FEZF1: variants seen among roughly 807,000 people sequenced by gnomAD.
The protein encoded by FEZF1 is FEZ family zinc finger 1.
Under a neutral mutation model 32.4 loss-of-function variants are expected in FEZF1, and 8 were observed. That is an observed-to-expected ratio of 0.25 (90% CI 0.15 to 0.45). FEZF1 has a LOEUF of 0.45. Ranked by LOEUF, FEZF1 falls within the 20% of genes least tolerant of loss-of-function variation. The pLI is 1.00. For missense variants in FEZF1, 546 were observed against 622.3 expected (o/e 0.88, Z 1.31); for synonymous variants, 259 against 265.2 (o/e 0.98, Z 0.23).
In FEZF1 at chr7:122,304,096, T is replaced by G. The variant is rs1449386379; in HGVS notation, c.342A>C (p.Ala114=). The G allele has an allele frequency of 1.3e-6, 2 of 1,577,222 alleles. No individual in the cohort carries two copies. The highest frequency in any genetic ancestry group is 1.7e-6 in the Non-Finnish European group (2 of 1,162,104). Residue 114 remains alanine (A), a synonymous_variant, in exon 1 of 4, where the codon GCA becomes GCC. Transcript: ENST00000442488. ...AAPAAVPSAP[A]FSCSDLLNCA... is the part of the protein sequence containing the mutation. ...AGTTGAGCAGGTCGCTGCAGCTGAA[T>G]GCGGGAGCCGAGGGCACCGCCGCGG...
rs368199722 is a variant in FEZF1 at position 122,302,784 on chromosome 7, T to C, written c.1069+15A>G. 1.8e-4 allele frequency: 279 copies of C among 1,576,214 alleles called. No homozygotes were observed. The African/African-American group carries it at 2.6e-3, about 15-fold the overall frequency. ...CATAAGACTAACCATGAGAGACATT[T>C]CCTGGTTTGCATACCTTTTTGATGA... On this transcript the variant is annotated intron_variant, in intron 3 of 3. Transcript: ENST00000442488. This position sits in a 1 kb window ranked among gnomAD's most constrained non-coding sequence, Gnocchi z 4.4.
In FEZF1 at chr7:122,302,819, C is replaced by T; in HGVS notation, c.1049G>A (p.Gly350Asp). ...GYKPFVCEFC[G>D]KGFHQKGNYK... ...CATACCTTTTTGATGAAACCCTTTG[C>T]CACAGAATTCACACACAAACGGTTT... Residue 350 changes from glycine to aspartate, a missense_variant, in exon 3 of 4, where the codon GGC (glycine) becomes GAC (aspartate). This residue lies in a region of FEZF1 where 118 missense variants were observed against 188.7 expected (regional missense o/e 0.63). Transcript: ENST00000442488. This position sits in a 1 kb window ranked among gnomAD's most constrained non-coding sequence, Gnocchi z 4.4. 1 of 1,614,018 alleles carries T rather than the reference C, an allele frequency of 6.2e-7. No individual in the cohort carries two copies. The highest frequency in any genetic ancestry group is 1.1e-5 in the South Asian group (1 of 91,064).
rs762772068 is a variant in FEZF1, at chr7:122,304,363, C to T, written c.75G>A (p.Thr25=). 2 of 1,606,372 alleles carry T rather than the reference C, an allele frequency of 1.2e-6. No individual in the cohort carries two copies. Among genetic ancestry groups the T allele is most frequent in the South Asian group, 2.2e-5 (2 of 90,500 alleles). The change falls in exon 1 of 4, where the codon ACG becomes ACA. Residue 25 remains threonine, a synonymous_variant. Transcript: ENST00000442488. ...TAPARGNMMS[T]SKPLAFSIER... Reference sequence around the variant, plus strand: ...CAATGGAGAAAGCCAAGGGTTTGGACGTGCTCATCATGTTGCCCCGAGCTG... The same window carrying T: ...CAATGGAGAAAGCCAAGGGTTTGGATGTGCTCATCATGTTGCCCCGAGCTG...
rs758386407 is a variant in FEZF1 at position 122,304,241 on chromosome 7, T to G, written c.197A>C (p.His66Pro). The change falls in exon 1 of 4, where the codon CAT becomes CCT. Residue 66 changes from histidine (H) to proline (P), a missense_variant. Transcript: ENST00000442488. ...CATGCAGGGGATCGACGAGTTGAGATGCAGAGAGTGCTTGGGTTCCCCCTT... is the reference window on the plus strand; with the variant it reads ...CATGCAGGGGATCGACGAGTTGAGAGGCAGAGAGTGCTTGGGTTCCCCCTT... ...LPKGEPKHSLHLNSSIPCMIP... is the reference protein window; with the variant it reads ...LPKGEPKHSLPLNSSIPCMIP... The G allele has an allele frequency of 1.2e-6, 2 of 1,600,182 alleles. No homozygotes were observed. Among genetic ancestry groups the G allele is most frequent in the Admixed American group, 3.4e-5 (2 of 58,986 alleles).
rs1584960926 is a variant in FEZF1 at position 122,303,983 on chromosome 7, G to A, written c.455C>T (p.Ser152Phe). ...KLVRPRVVNH[S>F]SFHAMGALCY... ...CAAGGCGCCCATGGCGTGGAATGAA[G>A]AGTGGTTGACCACACGCGGCCTTAC... Residue 152 changes from serine (S) to phenylalanine (F), a missense_variant, in exon 1 of 4, where the codon TCT (serine) becomes TTT (phenylalanine). Physicochemically the swap from Ser to Phe is radical, Grantham distance 155. Coordinates refer to ENST00000442488, the MANE Select transcript of FEZF1 (RefSeq NM_001024613.4). The A allele has an allele frequency of 2.5e-6, 4 of 1,583,362 alleles. No individual in the cohort carries two copies. The highest frequency in any genetic ancestry group is 2.7e-5 in the African/African-American group (2 of 74,086).
chr7:122,305,617 A>G (rs1285762620), upstream of FEZF1: 4 of 152,244 alleles, frequency 2.6e-5, no homozygotes, highest in African/African-American at 9.7e-5. Flanking sequence ...GAGTCTGGAA[A>G]GAGCATTTCT....
At position 122,304,156 on chromosome 7, in the gene FEZF1, C is replaced by T; in HGVS notation, c.282G>A (p.Glu94=). 1 of 1,602,632 alleles carries T rather than the reference C, an allele frequency of 6.2e-7. No individual in the cohort carries two copies. Among genetic ancestry groups the T allele is most frequent in the Non-Finnish European group, 8.5e-7 (1 of 1,173,212 alleles). Residue 94 remains glutamate, a synonymous_variant, in exon 1 of 4, where the codon GAG becomes GAA. Coordinates refer to ENST00000442488, the MANE Select transcript of FEZF1 (RefSeq NM_001024613.4). ...TSPKAGVTGS[E]PRKASLEAPA... Reference sequence around the variant, plus strand: ...GGGCCTCCAGACTGGCCTTCCGCGGCTCGGAGCCCGTCACTCCTGCCTTGG... The same window carrying T: ...GGGCCTCCAGACTGGCCTTCCGCGGTTCGGAGCCCGTCACTCCTGCCTTGG...
rs1212740659 is a variant in FEZF1 at position 122,302,069 on chromosome 7, C to T, written c.1356G>A (p.Thr452=). The T allele has an allele frequency of 6.2e-7, 1 of 1,607,592 alleles. No individual in the cohort carries two copies. The highest frequency in any genetic ancestry group is 8.5e-7 in the Non-Finnish European group (1 of 1,178,718). ...PPPLPQQPPM[T]LPPLQPPLPT... is the part of the protein sequence containing the mutation. ...GCAGCGGCGGCTGCAGAGGAGGCAG[C>T]GTCATCGGCGGCTGCTGCGGTAGCG... Residue 452 remains threonine, a synonymous_variant, in exon 4 of 4, where the codon ACG becomes ACA. Transcript: ENST00000442488. This position sits in a 1 kb window ranked among gnomAD's most constrained non-coding sequence, Gnocchi z 4.4.
upstream of FEZF1, chr7:122,306,769 TA>T (rs2031294709): frequency 6.6e-6 from 1 of 152,280 alleles, no homozygotes; most frequent in African/African-American, 2.4e-5. Context: ...TCTGGCTGAA[TA>T]CGACGGGCTT....
Position 122,301,886 on chromosome 7 carries a change from G to A in FEZF1, c.*111C>T. The A allele has an allele frequency of 6.9e-7, 1 of 1,453,282 alleles. No homozygotes were observed. Among genetic ancestry groups the A allele is most frequent in the East Asian group, 2.3e-5 (1 of 43,460 alleles). 90.0% of individuals were successfully genotyped at this position (1,453,282 alleles called of 1,614,324 possible). ...AGAGGCTTCTGGTCGGCCCTGAAGT[G>A]TGGGGCCCAACATGCCCTGGGGTCT... On this transcript the variant is annotated 3_prime_UTR_variant, in exon 4 of 4. Transcript: ENST00000442488.
chr7:122,303,790 T>C lies in FEZF1; in HGVS notation c.648A>G (p.Val216=). The change falls in exon 1 of 4, where the codon GTA becomes GTG. Residue 216 remains valine (V), a synonymous_variant. Transcript: ENST00000442488. ...VPAVEKYPSG[V]AFKDLSQAQL... ...GAGCCTGGGACAGGTCTTTGAAAGC[T>C]ACTCCAGAAGGGTATTTCTCCACCG... 1 of 1,614,232 alleles carries C rather than the reference T, an allele frequency of 6.2e-7. No individual in the cohort carries two copies. The highest frequency in any genetic ancestry group is 8.5e-7 in the Non-Finnish European group (1 of 1,180,036).
At chr7:122,304,945 C>CA (rs1284093001), upstream of FEZF1, 1 of 149,812 alleles carries the variant, frequency 6.7e-6, no homozygotes, top group Non-Finnish European at 1.5e-5. Flanking sequence ...CGCACCCCCC[C>CA]ATCCCCACCC....
In FEZF1 at chr7:122,303,791, A is replaced by G. The variant is rs768039426; in HGVS notation, c.647T>C (p.Val216Ala). ...AGCCTGGGACAGGTCTTTGAAAGCTACTCCAGAAGGGTATTTCTCCACCGC... is the reference window on the plus strand; with the variant it reads ...AGCCTGGGACAGGTCTTTGAAAGCTGCTCCAGAAGGGTATTTCTCCACCGC... ...VPAVEKYPSG[V>A]AFKDLSQAQL... The change falls in exon 1 of 4, where the codon GTA (valine) becomes GCA (alanine). Residue 216 changes from valine to alanine, a missense_variant. Coordinates refer to ENST00000442488, the MANE Select transcript of FEZF1 (RefSeq NM_001024613.4). 14 of 1,614,044 alleles carry G rather than the reference A, an allele frequency of 8.7e-6. No homozygotes were observed. In the South Asian group the frequency reaches 1.1e-4, roughly 13 times the overall value.
In FEZF1 at chr7:122,304,491, T is replaced by G; in HGVS notation, c.-54A>C. 6.8e-7 allele frequency: 1 copy of G among 1,461,062 alleles called. No homozygotes were observed. The highest frequency in any genetic ancestry group is 9.2e-7 in the Non-Finnish European group (1 of 1,086,910). 90.5% of individuals were successfully genotyped at this position (1,461,062 alleles called of 1,614,324 possible). ...GGCTGGGTTGCGCCGTCCGTTGCCT[T>G]GTTCCCTGCTTGTCACAGACCTGCG... On this transcript the variant is annotated 5_prime_UTR_variant, in exon 1 of 4. Transcript: ENST00000442488.
chr7:122,307,482 G>C (rs1014667802), upstream of FEZF1: 1 of 152,584 alleles, frequency 6.6e-6, no homozygotes, highest in African/African-American at 2.4e-5. Flanking sequence ...TTCGTTTTAC[G>C]CTTGTGGTGT....
rs1287923179 is a variant in FEZF1, at chr7:122,304,310, G to A, written c.128C>T (p.Pro43Leu). Residue 43 changes from proline to leucine, a missense_variant, in exon 1 of 4, where the codon CCC becomes CTC. Pro to Leu is a moderately conservative substitution (Grantham distance 98, BLOSUM62 -3). Coordinates refer to ENST00000442488, the MANE Select transcript of FEZF1 (RefSeq NM_001024613.4). ...IERIMARTPE[P>L]KALPVPHFLQ... ...GAAGTGGGGGACTGGCAGGGCCTTGGGCTCTGGGGTGCGCGCCATGATTCG... is the reference window on the plus strand; with the variant it reads ...GAAGTGGGGGACTGGCAGGGCCTTGAGCTCTGGGGTGCGCGCCATGATTCG... 6.2e-7 allele frequency: 1 copy of A among 1,613,188 alleles called. No individual in the cohort carries two copies. Among genetic ancestry groups the A allele is most frequent in the Non-Finnish European group, 8.5e-7 (1 of 1,179,490 alleles).
In FEZF1 at chr7:122,304,198, C is replaced by T. The variant is rs1359336816; in HGVS notation, c.240G>A (p.Val80=). ...SIPCMIPFVP[V]AYDTSPKAGV... Reference sequence around the variant, plus strand: ...CTGCCTTGGGGCTCGTGTCGTAGGCCACAGGCACGAAGGGGATCATGCAGG... The same window carrying T: ...CTGCCTTGGGGCTCGTGTCGTAGGCTACAGGCACGAAGGGGATCATGCAGG... Residue 80 remains valine, a synonymous_variant, in exon 1 of 4, where the codon GTG becomes GTA. Transcript: ENST00000442488. 4 of 1,596,862 alleles carry T rather than the reference C, an allele frequency of 2.5e-6. No homozygotes were observed. The highest frequency in any genetic ancestry group is 1.1e-5 in the South Asian group (1 of 88,836).
upstream of FEZF1, chr7:122,307,291 A>T (rs922160156): frequency 6.6e-6 from 1 of 152,218 alleles, no homozygotes; most frequent in African/African-American, 2.4e-5. Flanking sequence ...CCTACCTGCC[A>T]CTTCCCAGCA....
At position 122,303,900 on chromosome 7, in the gene FEZF1, G is replaced by C. The variant is rs1231438925; in HGVS notation, c.538C>G (p.Pro180Ala). The change falls in exon 1 of 4, where the codon CCG becomes GCG. Residue 180 changes from proline (P) to alanine (A), a missense_variant. Transcript: ENST00000442488. ...GAACTGAGGAAGTAGGAGGCCACCGGGTGGATGTTCACGCCGGCTGCCGGG... is the reference window on the plus strand; with the variant it reads ...GAACTGAGGAAGTAGGAGGCCACCGCGTGGATGTTCACGCCGGCTGCCGGG... Reference protein sequence around the residue: ...CHPAAGVNIHPVASYFLSSPL... With the variant: ...CHPAAGVNIHAVASYFLSSPL... 6.2e-7 allele frequency: 1 copy of C among 1,613,816 alleles called. No individual in the cohort carries two copies. Among genetic ancestry groups the C allele is most frequent in the Non-Finnish European group, 8.5e-7 (1 of 1,179,796 alleles).
Sources: gnomAD v4.1 joint callset for allele counts on GRCh38, gnomAD v4.1.1 for gene constraint, gnomAD v4.1.1 regional missense constraint, Gnocchi (gnomAD v3.1) non-coding constraint, MANE v1.5 for transcripts, NCBI Gene and HGNC (gene_info 2026-07-23, HGNC 2026-07-21) for gene names.